PDGFD: variants seen among roughly 807,000 people sequenced by gnomAD.
PDGFD encodes platelet derived growth factor D.
PDGFD carries 30 observed loss-of-function variants against 44.7 expected under a neutral mutation model. That is an observed-to-expected ratio of 0.67 (90% CI 0.50 to 0.91). The LOEUF is 0.91. Ranked by LOEUF, PDGFD falls within the 40% of genes least tolerant of loss-of-function variation. PDGFD has a pLI of 0.00. For missense variants in PDGFD, 445 were observed against 457.8 expected, an observed-to-expected ratio of 0.97 and a Z score of 0.25; for synonymous variants, 173 against 168.4, an observed-to-expected ratio of 1.03 and a Z score of -0.21.
At chr11:104,055,653 T>C (rs898775182) in intron 1 of PDGFD, among the ~76,000 whole-genome samples, 1 of 152,220 alleles carries the variant, frequency 6.6e-6, no homozygotes, top group African/African-American at 2.4e-5. Flanking sequence ...GTTTAAAATA[T>C]TTTTTACTTG....
At chr11:104,034,192 C>A (rs918326730) in intron 1 of PDGFD, among the ~76,000 whole-genome samples, 2 of 152,120 alleles carry the variant, frequency 1.3e-5, no homozygotes, top group African/African-American at 2.4e-5. Flanking sequence ...CTGAATACCA[C>A]TACTGTGGTA....
At chr11:104,051,448 C>T (rs1860535368) in intron 1 of PDGFD, among the ~76,000 whole-genome samples, 2 of 152,044 alleles carry the variant, frequency 1.3e-5, no homozygotes, top group South Asian at 4.2e-4. Flanking sequence ...AAGATGAAGA[C>T]CAGCATGTAA....
intron 1 of PDGFD, among the ~76,000 whole-genome samples, chr11:104,032,683 G>A (rs1860147894): frequency 1.3e-5 from 2 of 149,998 alleles, no homozygotes; most frequent in Non-Finnish European, 1.5e-5. Context: ...TTTAGAAAGA[G>A]GCAAATTACA....
At chr11:103,939,872 A>T (rs1425552610) in intron 5 of PDGFD, among the ~76,000 whole-genome samples, 1 of 152,120 alleles carries the variant, frequency 6.6e-6, no homozygotes, top group African/African-American at 2.4e-5. Flanking sequence ...TTTCAATTAT[A>T]TACGCTACCC....
chr11:104,003,757 T>A (rs1859655559), intron 1 of PDGFD, among the ~76,000 whole-genome samples: 2 of 152,162 alleles, frequency 1.3e-5, no homozygotes, highest in Admixed American at 1.3e-4. Context: ...ACACAAGGCC[T>A]CAGCTTAGAG....
intron 1 of PDGFD, among the ~76,000 whole-genome samples, chr11:104,073,688 C>A (rs779389142): frequency 9.2e-5 from 14 of 152,154 alleles, no homozygotes; most frequent in Non-Finnish European, 1.9e-4. Context: ...CTGGGTGTTA[C>A]TTTAGACATA....
rs1463385127 is a variant in PDGFD, at chr11:104,046,853, T to C, written c.125-46598A>G. Among the ~76,000 whole-genome samples, 4 of 146,568 alleles carry C rather than the reference T, an allele frequency of 2.7e-5. 1 individual carries two copies. Among genetic ancestry groups the C allele is most frequent in the African/African-American group, 9.9e-5 (4 of 40,296 alleles). On this transcript the variant is annotated intron_variant, in intron 1 of 6. Coordinates refer to ENST00000393158, the MANE Select transcript of PDGFD (RefSeq NM_025208.5). ...GTTTGCTGCACCCATCAACCTGTCATCTACATTAGGTATTTATCCTAATGC... is the reference window on the plus strand; with the variant it reads ...GTTTGCTGCACCCATCAACCTGTCACCTACATTAGGTATTTATCCTAATGC...
intron 3 of PDGFD, among the ~76,000 whole-genome samples, chr11:103,993,511 T>C (rs1372669616): frequency 6.6e-6 from 1 of 151,988 alleles, no homozygotes; most frequent in African/African-American, 2.4e-5. Context: ...TGAAGAGGGA[T>C]TGCCATTTTT....
chr11:104,104,394 C>T (rs1196146553), intron 1 of PDGFD, among the ~76,000 whole-genome samples: 1 of 151,226 alleles, frequency 6.6e-6, no homozygotes, highest in Admixed American at 6.6e-5. Flanking sequence ...CTTTCACTTA[C>T]CACTCACTTA....
intron 1 of PDGFD, among the ~76,000 whole-genome samples, chr11:104,044,591 G>T (rs1555047092): frequency 6.6e-6 from 1 of 152,118 alleles, no homozygotes; most frequent in Non-Finnish European, 1.5e-5. Flanking sequence ...ATCAATATTT[G>T]CATGTATAAA....
chr11:104,084,023 C>T (rs1377455321), intron 1 of PDGFD, among the ~76,000 whole-genome samples: 1 of 152,188 alleles, frequency 6.6e-6, no homozygotes, highest in Non-Finnish European at 1.5e-5. Flanking sequence ...TTTAAAGTTG[C>T]CTGTGAGTTA....
At chr11:104,150,196 A>G (rs1456339267) in intron 1 of PDGFD, among the ~76,000 whole-genome samples, 1 of 152,200 alleles carries the variant, frequency 6.6e-6, no homozygotes, top group African/African-American at 2.4e-5. Context: ...TGAAAATTTT[A>G]AAGAATAATT....
intron 1 of PDGFD, among the ~76,000 whole-genome samples, chr11:104,076,341 A>G: frequency 6.6e-6 from 1 of 152,120 alleles, no homozygotes; most frequent in East Asian, 1.9e-4. Flanking sequence ...AGGGTTGTTT[A>G]TTATTAGTAG....
At chr11:104,047,173 C>T (rs1291284865) in intron 1 of PDGFD, among the ~76,000 whole-genome samples, 8 of 147,516 alleles carry the variant, frequency 5.4e-5, no homozygotes, top group African/African-American at 2.0e-4. Flanking sequence ...CAAGTTTTTG[C>T]CATTGTGAAC....
chr11:104,124,236 T>C (rs943510394), intron 1 of PDGFD, among the ~76,000 whole-genome samples: 1 of 152,102 alleles, frequency 6.6e-6, no homozygotes, highest in South Asian at 2.1e-4. Flanking sequence ...CCAAGCCAGA[T>C]AAGAGGGAGG....
rs567704043 is a variant in PDGFD at position 104,130,232 on chromosome 11, TC to T, written c.124+33571del. 9.2e-5 allele frequency among the ~76,000 whole-genome samples: 14 copies of T among 151,976 alleles called. No individual in the cohort carries two copies. In the East Asian group the frequency reaches 2.7e-3, roughly 30 times the overall value. Reference sequence around the variant, plus strand: ...CTCTACATTCTAAGGTCATTTGTAATCCCCCCCTTTTCTCTACCAAAACTTC... The same window carrying T: ...CTCTACATTCTAAGGTCATTTGTAATCCCCCCTTTTCTCTACCAAAACTTC... On this transcript the variant is annotated intron_variant, in intron 1 of 6. Coordinates refer to ENST00000393158, the MANE Select transcript of PDGFD (RefSeq NM_025208.5).
At chr11:103,975,065 C>A (rs568158938) in intron 3 of PDGFD, among the ~76,000 whole-genome samples, 3 of 152,136 alleles carry the variant, frequency 2.0e-5, no homozygotes, top group African/African-American at 7.2e-5. Flanking sequence ...CTTGAGGAAT[C>A]GCCACACTGT....
At chr11:103,963,166 A>G (rs1858964923) in intron 3 of PDGFD, among the ~76,000 whole-genome samples, 1 of 152,136 alleles carries the variant, frequency 6.6e-6, no homozygotes. Flanking sequence ...TAGCCTTCAC[A>G]CATTTTCACA....
chr11:103,945,626 C>G (rs1858657172), intron 4 of PDGFD: 1 of 152,132 alleles, frequency 6.6e-6, no homozygotes, highest in African/African-American at 2.4e-5. Context: ...AACAGGGACA[C>G]CGATCAAGTC....
Sources: allele counts gnomAD v4.1 joint callset (sites outside exome capture counted in the v4.1 genomes callset), GRCh38; gene constraint gnomAD v4.1.1; transcripts MANE v1.5; gene names NCBI Gene and HGNC (gene_info 2026-07-23, HGNC 2026-07-21).